CHP1: variants seen among roughly 807,000 people sequenced by gnomAD.
CHP1 encodes the protein calcineurin like EF-hand protein 1.
A neutral mutation model predicts 27.4 loss-of-function variants in CHP1; 11 were observed. The observed-to-expected ratio is 0.40, with a 90% confidence interval of 0.25 to 0.67. The LOEUF (loss-of-function observed/expected upper bound fraction) is 0.67. Among genes scored for constraint, CHP1 ranks in the 30% least tolerant of loss-of-function variants. CHP1 has a pLI of 0.38. For missense variants in CHP1, 169 were observed against 251.3 expected, an observed-to-expected ratio of 0.67 and a Z score of 2.22; for synonymous variants, 89 against 87.4, an observed-to-expected ratio of 1.02 and a Z score of -0.10.
chr15:41,277,957 A>C (rs2047527569), intron 5 of CHP1, among the ~76,000 whole-genome samples: 1 of 151,400 alleles, frequency 6.6e-6, no homozygotes, highest in Admixed American at 6.6e-5. Context: ...CCCTGTCTCA[A>C]AAAAAAAACC....
intron 1 of CHP1, among the ~76,000 whole-genome samples, chr15:41,240,830 T>C (rs1368935962): frequency 6.6e-6 from 1 of 151,054 alleles, no homozygotes; most frequent in African/African-American, 2.4e-5. Context: ...TTTGTTTTTT[T>C]CAAAAAATCT....
At chr15:41,272,949 C>T (rs1003406641) in intron 5 of CHP1, among the ~76,000 whole-genome samples, 9 of 151,686 alleles carry the variant, frequency 5.9e-5, no homozygotes, top group East Asian at 2.0e-4. Context: ...CCCAGTTACT[C>T]GGGAGGCTGA....
At chr15:41,255,680 A>G (rs780900003) in intron 2 of CHP1, among the ~76,000 whole-genome samples, 152 of 152,120 alleles carry the variant, frequency 1.0e-3, no homozygotes, top group Non-Finnish European at 1.9e-3. Context: ...AAAAAATAAA[A>G]ATAAAGAATT....
At position 41,279,450 on chromosome 15, in the gene CHP1, T is replaced by C; in HGVS notation, c.*61T>C. On this transcript the variant is annotated 3_prime_UTR_variant, in exon 7 of 7. Transcript: ENST00000334660. ...AGAACTGGAACTTGAAAGTCCTCCTTCTACCAACTCCACCTCCACCCCCTC... is the reference window on the plus strand; with the variant it reads ...AGAACTGGAACTTGAAAGTCCTCCTCCTACCAACTCCACCTCCACCCCCTC... The C allele has an allele frequency of 7.2e-7, 1 of 1,386,174 alleles. No individual in the cohort carries two copies. The highest frequency in any genetic ancestry group is 1.2e-5 in the South Asian group (1 of 85,548). 85.9% of individuals were successfully genotyped at this position (1,386,174 alleles called of 1,614,324 possible). A position where few individuals can be genotyped will look rare whatever the true frequency, so the allele number is the denominator to read the frequency against.
At chr15:41,249,922 G>T (rs2047356798) in intron 2 of CHP1, among the ~76,000 whole-genome samples, 1 of 151,010 alleles carries the variant, frequency 6.6e-6, no homozygotes, top group Non-Finnish European at 1.5e-5. Context: ...ACAGTGTACA[G>T]TCTGGGGCAT....
intron 1 of CHP1, among the ~76,000 whole-genome samples, chr15:41,236,977 C>G (rs2047280204): frequency 6.9e-6 from 1 of 145,836 alleles, no homozygotes. Context: ...TTACAGGTGC[C>G]TGCCACCAGG....
intron 2 of CHP1, among the ~76,000 whole-genome samples, chr15:41,249,200 G>C (rs981965603): frequency 1.3e-5 from 2 of 152,044 alleles, no homozygotes; most frequent in African/African-American, 4.8e-5. Context: ...TTGTTTTTGA[G>C]ACAGGGTCTG....
intron 1 of CHP1, among the ~76,000 whole-genome samples, chr15:41,241,670 C>G (rs767445395): frequency 6.6e-6 from 1 of 152,230 alleles, no homozygotes; most frequent in East Asian, 1.9e-4. Flanking sequence ...CTTTAGAGCA[C>G]TAGGACAGAA....
chr15:41,258,893 A>G (rs2047417058), intron 3 of CHP1, among the ~76,000 whole-genome samples: 1 of 152,312 alleles, frequency 6.6e-6, no homozygotes, highest in Admixed American at 6.5e-5. Flanking sequence ...TTAGAACTCT[A>G]AATTGAGAGC....
At chr15:41,266,591 TAGC>T (rs1363229332) in intron 4 of CHP1, among the ~76,000 whole-genome samples, 1 of 152,038 alleles carries the variant, frequency 6.6e-6, no homozygotes, top group South Asian at 2.1e-4. Flanking sequence ...CAGGAAGAAA[TAGC>T]AGCATTATTC....
At chr15:41,273,531 G>A (rs1421583093) in intron 5 of CHP1, among the ~76,000 whole-genome samples, 3 of 151,990 alleles carry the variant, frequency 2.0e-5, no homozygotes, top group South Asian at 4.2e-4. Flanking sequence ...ATAGGCATGC[G>A]CCACCACACA....
chr15:41,276,838 G>GT (rs1347803953), intron 5 of CHP1, among the ~76,000 whole-genome samples: 1 of 152,208 alleles, frequency 6.6e-6, no homozygotes, highest in East Asian at 1.9e-4. Flanking sequence ...CAACAAGAAT[G>GT]TTTGGCATAG....
chr15:41,253,227 G>A (rs560311819), intron 2 of CHP1, among the ~76,000 whole-genome samples: 1 of 151,816 alleles, frequency 6.6e-6, no homozygotes, highest in Non-Finnish European at 1.5e-5. Flanking sequence ...GTGAGCCACT[G>A]TGCCCGGCCT....
intron 4 of CHP1, among the ~76,000 whole-genome samples, chr15:41,268,943 G>C (rs1327251879): frequency 1.3e-5 from 2 of 152,014 alleles, no homozygotes; most frequent in Non-Finnish European, 2.9e-5. Context: ...CTGGGCAACA[G>C]AGCAAGACTC....
intron 4 of CHP1, among the ~76,000 whole-genome samples, chr15:41,264,911 G>A (rs989532299): frequency 1.3e-5 from 2 of 152,216 alleles, no homozygotes. Context: ...AGAAGAGTCC[G>A]AGAAGTCCTC....
rs1435595440 is a variant in CHP1 at position 41,231,425 on chromosome 15, G to A, written c.43G>A (p.Glu15Lys). 1 of 1,604,774 alleles carries A rather than the reference G, an allele frequency of 6.2e-7. No individual in the cohort carries two copies. The highest frequency in any genetic ancestry group is 1.7e-5 in the Admixed American group (1 of 57,790). ...ASTLLRDEEL[E>K]EIKKETGFSH... ...CACGTTACTGCGGGACGAAGAGCTC[G>A]AGGAGATCAAGAAGGAGACCGGCTG... is the stretch of plus-strand genomic sequence containing the variant. Residue 15 changes from glutamate (E) to lysine (K), a missense_variant, in exon 1 of 7, where the codon GAG (glutamate) becomes AAG (lysine). Coordinates refer to ENST00000334660, the MANE Select transcript of CHP1 (RefSeq NM_007236.5).
chr15:41,235,538 A>G (rs1333739351), intron 1 of CHP1, among the ~76,000 whole-genome samples: 5 of 151,754 alleles, frequency 3.3e-5, no homozygotes, highest in Non-Finnish European at 7.4e-5. Flanking sequence ...ACAAAAACAA[A>G]CAACAACCAC....
intron 3 of CHP1, among the ~76,000 whole-genome samples, chr15:41,260,120 G>A (rs936818294): frequency 6.6e-6 from 1 of 151,908 alleles, no homozygotes; most frequent in African/African-American, 2.4e-5. Context: ...ATAGAGCACA[G>A]AAGAGAACCT....
intron 4 of CHP1, among the ~76,000 whole-genome samples, chr15:41,266,013 G>A (rs1011151955): frequency 6.6e-6 from 1 of 151,846 alleles, no homozygotes; most frequent in African/African-American, 2.4e-5. Flanking sequence ...GCCAGGCGCG[G>A]TGGCTCATGC....
Sources: allele counts gnomAD v4.1 joint callset (sites outside exome capture counted in the v4.1 genomes callset), GRCh38; gene constraint gnomAD v4.1.1; transcripts MANE v1.5; gene names NCBI Gene and HGNC (gene_info 2026-07-23, HGNC 2026-07-21).